PTPN9: variants seen among roughly 807,000 people sequenced by gnomAD.
The protein encoded by PTPN9 is protein tyrosine phosphatase non-receptor type 9.
A neutral mutation model predicts 69.8 loss-of-function variants in PTPN9; 26 were observed. The ratio of observed to expected loss-of-function variants is 0.37; its 90% CI spans 0.27 to 0.52. PTPN9 has a LOEUF of 0.52. Among genes scored for constraint, PTPN9 ranks in the 20% least tolerant of loss-of-function variants. PTPN9 has a pLI of 0.91. For synonymous variants in PTPN9, 274 were observed against 272.5 expected, an observed-to-expected ratio of 1.01 and a Z score of -0.05; for missense variants, 549 against 740.3, an observed-to-expected ratio of 0.74 and a Z score of 3.00.
intron 4 of PTPN9, among the ~76,000 whole-genome samples, chr15:75,518,824 A>G (rs201439118): frequency 0.33 from 48,677 of 147,638 alleles, 8,868 homozygotes; most frequent in African/African-American, 0.51. Context: ...CTCAGGGGAA[A>G]AAAAAAAAAA....
In PTPN9 at chr15:75,465,458, C is replaced by T. The variant is rs2074533041; in HGVS notation, c.*3311G>A. On this transcript the variant is annotated 3_prime_UTR_variant, in exon 13 of 13. Coordinates refer to ENST00000618819, the MANE Select transcript of PTPN9 (RefSeq NM_002833.4). ...TAAGTCTCCTGTATGAGAACCCTGA[C>T]TTGCCAAACAGATTCTGGGTTGCGT... 1.3e-5 allele frequency: 2 copies of T among 152,236 alleles called. No homozygotes were observed. The highest frequency in any genetic ancestry group is 1.3e-4 in the Admixed American group (2 of 15,254). The allele number at this position is 152,236 out of a possible 1,614,324, so 9.4% of individuals were successfully genotyped here. A position where few individuals can be genotyped will look rare whatever the true frequency, so the allele number is the denominator to read the frequency against.
At chr15:75,564,095 T>G (rs1226424568) in intron 1 of PTPN9, among the ~76,000 whole-genome samples, 1 of 151,230 alleles carries the variant, frequency 6.6e-6, no homozygotes. Context: ...TTTTTTTTAA[T>G]AGAGATAAGG....
rs962911248 is a variant in PTPN9 at position 75,466,151 on chromosome 15, G to A, written c.*2618C>T. ...AGTCAGATGGTCTGGGATCCTGGCT[G>A]TAGCAAATTAACATTCCTGTCTCTC... On this transcript the variant is annotated 3_prime_UTR_variant, in exon 13 of 13. Coordinates refer to ENST00000618819, the MANE Select transcript of PTPN9 (RefSeq NM_002833.4). The A allele has an allele frequency of 2.0e-5, 3 of 152,238 alleles. No individual in the cohort carries two copies. Among genetic ancestry groups the A allele is most frequent in the East Asian group, 3.8e-4 (2 of 5,206 alleles). 9.4% of individuals were successfully genotyped at this position (152,238 alleles called of 1,614,324 possible). A position where few individuals can be genotyped will look rare whatever the true frequency, so the allele number is the denominator to read the frequency against.
At position 75,465,070 on chromosome 15, in the gene PTPN9, T is replaced by C. The variant is rs1234393032; in HGVS notation, c.*3699A>G. ...AGCAGAAGCCTGCTTTAGCTCAGTGTTTTCTTCTTTCCTGAACACTGTCTT... is the reference window on the plus strand; with the variant it reads ...AGCAGAAGCCTGCTTTAGCTCAGTGCTTTCTTCTTTCCTGAACACTGTCTT... On this transcript the variant is annotated 3_prime_UTR_variant, in exon 13 of 13. Coordinates refer to ENST00000618819, the MANE Select transcript of PTPN9 (RefSeq NM_002833.4). 4 of 152,206 alleles carry C rather than the reference T, an allele frequency of 2.6e-5. No homozygotes were observed. Among genetic ancestry groups the C allele is most frequent in the Non-Finnish European group, 5.9e-5 (4 of 68,038 alleles). 9.4% of individuals were successfully genotyped at this position (152,206 alleles called of 1,614,324 possible).
chr15:75,549,835 G>A (rs1277785110), intron 1 of PTPN9, among the ~76,000 whole-genome samples: 1 of 152,086 alleles, frequency 6.6e-6, no homozygotes, highest in African/African-American at 2.4e-5. Context: ...TTAGCCAGGT[G>A]TGGTAAAGCA....
At chr15:75,475,762 C>A (rs1321328654) in intron 9 of PTPN9, among the ~76,000 whole-genome samples, 1 of 152,172 alleles carries the variant, frequency 6.6e-6, no homozygotes, top group Non-Finnish European at 1.5e-5. Context: ...TACTGGAATA[C>A]CCTCTCTGCA....
chr15:75,543,504 G>A (rs1203010704), intron 1 of PTPN9, among the ~76,000 whole-genome samples: 1 of 152,134 alleles, frequency 6.6e-6, no homozygotes, highest in Non-Finnish European at 1.5e-5. Context: ...TTCACTAAAT[G>A]GGCATGAGAC....
At chr15:75,545,777 C>T (rs2075029797) in intron 1 of PTPN9, among the ~76,000 whole-genome samples, 1 of 152,106 alleles carries the variant, frequency 6.6e-6, no homozygotes, top group Non-Finnish European at 1.5e-5. Flanking sequence ...GGCGAAACCC[C>T]GTCTCTACTA....
intron 1 of PTPN9, among the ~76,000 whole-genome samples, chr15:75,550,457 T>C (rs1473422590): frequency 6.9e-6 from 1 of 144,636 alleles, no homozygotes; most frequent in Admixed American, 6.9e-5. Context: ...TGAGCCACCA[T>C]GCCCAACCAG....
At chr15:75,554,005 C>CTTT (rs72050060) in intron 1 of PTPN9, among the ~76,000 whole-genome samples, 1,660 of 125,302 alleles carry the variant, frequency 0.013, 21 homozygotes, top group Non-Finnish European at 0.019. Flanking sequence ...TACTTTCTTT[C>CTTT]TTTTTTTTTT....
At chr15:75,572,706 CA>C (rs948976405) in intron 1 of PTPN9, among the ~76,000 whole-genome samples, 2 of 143,580 alleles carry the variant, frequency 1.4e-5, no homozygotes, top group East Asian at 2.0e-4. Flanking sequence ...GACTCTGTCT[CA>C]AAAAAAAAGA....
intron 8 of PTPN9, among the ~76,000 whole-genome samples, chr15:75,485,469 C>T (rs373415023): frequency 2.7e-5 from 4 of 147,572 alleles, no homozygotes; most frequent in East Asian, 2.0e-4. Flanking sequence ...CCCGGGTTCA[C>T]GCCATTCTCC....
chr15:75,575,902 G>C (rs1019809678), intron 1 of PTPN9, among the ~76,000 whole-genome samples: 6 of 109,908 alleles, frequency 5.5e-5, no homozygotes, highest in Non-Finnish European at 8.8e-5. Flanking sequence ...CTGGGCAACA[G>C]AGCAAGACTC....
At chr15:75,534,779 C>A (rs1477506358) in intron 1 of PTPN9, among the ~76,000 whole-genome samples, 1 of 151,768 alleles carries the variant, frequency 6.6e-6, no homozygotes, top group Non-Finnish European at 1.5e-5. Context: ...TTGAGACCAG[C>A]CTGGCCAACA....
intron 7 of PTPN9, among the ~76,000 whole-genome samples, chr15:75,493,762 T>C (rs566806556): frequency 1.3e-5 from 2 of 151,112 alleles, no homozygotes; most frequent in East Asian, 1.9e-4. Flanking sequence ...CTCCGTCTCA[T>C]TAAAAAAAAA....
intron 1 of PTPN9, among the ~76,000 whole-genome samples, chr15:75,551,323 C>G (rs769071989): frequency 6.6e-6 from 1 of 152,094 alleles, no homozygotes; most frequent in Non-Finnish European, 1.5e-5. Context: ...ATGATACAAC[C>G]AAGATTGCAA....
rs765066696 is a variant in PTPN9, at chr15:75,468,746, C to T, written c.*23G>A. On this transcript the variant is annotated 3_prime_UTR_variant, in exon 13 of 13. Transcript: ENST00000618819. ...GGGTAGTTTAAGGAAGGCTGGCCAACAGGTAGGAGGTTCGTAGGAGAGTTA... is the reference window on the plus strand; with the variant it reads ...GGGTAGTTTAAGGAAGGCTGGCCAATAGGTAGGAGGTTCGTAGGAGAGTTA... 2 of 1,606,832 alleles carry T rather than the reference C, an allele frequency of 1.2e-6. No individual in the cohort carries two copies. Among genetic ancestry groups the T allele is most frequent in the East Asian group, 4.5e-5 (2 of 44,784 alleles).
chr15:75,517,172 C>T, intron 5 of PTPN9, 87 bp downstream of exon 5: 1 of 971,968 alleles, frequency 1.0e-6, no homozygotes, highest in Non-Finnish European at 1.5e-6. Context: ...AAGTTTGCAT[C>T]TTTCCTAAAT....
At chr15:75,537,059 T>C (rs933179974) in intron 1 of PTPN9, among the ~76,000 whole-genome samples, 1 of 152,076 alleles carries the variant, frequency 6.6e-6, no homozygotes, top group Non-Finnish European at 1.5e-5. Context: ...TTAGAAATAC[T>C]AGTGATTGCA....
Sources: allele counts gnomAD v4.1 joint callset (sites outside exome capture counted in the v4.1 genomes callset), GRCh38; gene constraint gnomAD v4.1.1; transcripts MANE v1.5; gene names NCBI Gene and HGNC (gene_info 2026-07-23, HGNC 2026-07-21).